Variants in CTDP1 observed in about 807,000 individuals in gnomAD.
CTDP1 encodes the protein CTD phosphatase 1.
In CTDP1, 47 loss-of-function variants were observed where a neutral mutation model predicts 91.8. That is an observed-to-expected ratio of 0.51 (90% confidence interval 0.41 to 0.65). The LOEUF (loss-of-function observed/expected upper bound fraction) is 0.65, where lower values mean the gene tolerates loss of function less well. Ranked by LOEUF, CTDP1 falls within the 30% of genes least tolerant of loss-of-function variation. The pLI, the probability that CTDP1 is intolerant of heterozygous loss-of-function variation, is 0.00. For synonymous variants in CTDP1, 656 were observed against 598.5 expected, an observed-to-expected ratio of 1.10 and a Z score of -1.40; for missense variants, 1,272 against 1,373.7, an observed-to-expected ratio of 0.93 and a Z score of 1.17.
At chr18:79,679,492 A>G (rs1054713601), upstream of CTDP1, 14 of 456,676 alleles carry the variant, frequency 3.1e-5, no homozygotes, top group African/African-American at 2.8e-4. Context: ...AATGGCACGC[A>G]GGCCTGCGTT....
chr18:79,679,854 A>G lies in CTDP1; in HGVS notation c.-94A>G, dbSNP rs1212196376. On this transcript the variant is annotated 5_prime_UTR_variant, in exon 1 of 13. Coordinates refer to ENST00000613122, the MANE Select transcript of CTDP1 (RefSeq NM_004715.5). ...GGAAGCCGGTACCGAGAGGAACTACAGCGTCGCCGCCTGGGTTGTGTCGCC... is the reference window on the plus strand; with the variant it reads ...GGAAGCCGGTACCGAGAGGAACTACGGCGTCGCCGCCTGGGTTGTGTCGCC... 2 of 1,183,734 alleles carry G rather than the reference A, an allele frequency of 1.7e-6. No homozygotes were observed. Among genetic ancestry groups the G allele is most frequent in the Non-Finnish European group, 2.2e-6 (2 of 901,766 alleles). 73.3% of individuals were successfully genotyped at this position (1,183,734 alleles called of 1,614,324 possible).
chr18:79,690,920 G>C (rs150033340), intron 1 of CTDP1, among the ~76,000 whole-genome samples: 52 of 152,348 alleles, frequency 3.4e-4, no homozygotes, highest in African/African-American at 1.2e-3. Flanking sequence ...TTTCTACGAA[G>C]GCCTGTGTTT....
At chr18:79,725,869 C>T (rs1269220512) in intron 10 of CTDP1, among the ~76,000 whole-genome samples, 1 of 152,176 alleles carries the variant, frequency 6.6e-6, no homozygotes, top group Non-Finnish European at 1.5e-5. Flanking sequence ...CTCCGTGGTT[C>T]TGATGAGTGA....
chr18:79,700,624 A>G (rs2085838548), intron 4 of CTDP1, among the ~76,000 whole-genome samples: 3 of 152,250 alleles, frequency 2.0e-5, no homozygotes, highest in Admixed American at 6.5e-5. Flanking sequence ...CCGTAACACA[A>G]AAGTGAAGGT....
chr18:79,738,319 C>T (rs1428963803), intron 12 of CTDP1, among the ~76,000 whole-genome samples: 4 of 152,220 alleles, frequency 2.6e-5, no homozygotes, highest in African/African-American at 7.2e-5. Context: ...CAGGTCCTGC[C>T]GACATCCTCA....
intron 12 of CTDP1, among the ~76,000 whole-genome samples, chr18:79,744,467 G>A (rs2086839445): frequency 6.6e-6 from 1 of 152,248 alleles, no homozygotes; most frequent in African/African-American, 2.4e-5. Flanking sequence ...AAACAAAGCA[G>A]AGTGGCGGTG....
Position 79,680,013 on chromosome 18 carries a change from G to A in CTDP1, c.66G>A (p.Val22=). ...CCCCGACGGCGGCTGTGGCCGAGGTGCGCTGCCCGGGGCCCGCGCCGCTGC... is the reference window on the plus strand; with the variant it reads ...CCCCGACGGCGGCTGTGGCCGAGGTACGCTGCCCGGGGCCCGCGCCGCTGC... ...EGAPTAAVAE[V]RCPGPAPLRL... is the part of the protein sequence containing the mutation. Residue 22 remains valine, a synonymous_variant, in exon 1 of 13, where the codon GTG becomes GTA. Coordinates refer to ENST00000613122, the MANE Select transcript of CTDP1 (RefSeq NM_004715.5). 1 of 1,293,052 alleles carries A rather than the reference G, an allele frequency of 7.7e-7. No homozygotes were observed. The highest frequency in any genetic ancestry group is 9.8e-7 in the Non-Finnish European group (1 of 1,023,126). The allele number at this position is 1,293,052 out of a possible 1,614,324, so 80.1% of individuals were successfully genotyped here.
intron 11 of CTDP1, among the ~76,000 whole-genome samples, chr18:79,730,393 G>C (rs968770602): frequency 1.2e-4 from 18 of 152,272 alleles, no homozygotes; most frequent in African/African-American, 4.1e-4. Context: ...TGGTTTCCTG[G>C]TCGGGCGTGG....
At chr18:79,724,870 C>T (rs1022799926) in intron 10 of CTDP1, among the ~76,000 whole-genome samples, 2 of 152,144 alleles carry the variant, frequency 1.3e-5, no homozygotes, top group African/African-American at 2.4e-5. Context: ...GCATTGTCGC[C>T]GGCGCCGTCC....
chr18:79,713,748 T>C lies in CTDP1; in HGVS notation c.1030+610T>C, dbSNP rs1214305546. ...AAACTAGGGGCATTCCTGTAGAAGG[T>C]AGAGACTTTCACCAGATGGGTGGGG... On this transcript the variant is annotated intron_variant, in intron 7 of 12. Transcript: ENST00000613122. The surrounding 1 kb of genome is among the most constrained non-coding windows in gnomAD (Gnocchi z 4.7). Among the ~76,000 whole-genome samples the C allele has an allele frequency of 5.3e-5, 8 of 152,190 alleles. No homozygotes were observed. Among genetic ancestry groups the C allele is most frequent in the African/African-American group, 1.7e-4 (7 of 41,442 alleles).
At chr18:79,750,587 G>A (rs530367364) in intron 12 of CTDP1, among the ~76,000 whole-genome samples, 4 of 150,976 alleles carry the variant, frequency 2.6e-5, no homozygotes, top group Non-Finnish European at 4.4e-5. Flanking sequence ...TCCGCCTCCC[G>A]GGTTCAAACA....
intron 1 of CTDP1, chr18:79,681,359 G>C (rs1257637160): frequency 2.8e-6 from 2 of 717,028 alleles, no homozygotes; most frequent in East Asian, 1.3e-4. Context: ...ATGCCTTCAC[G>C]GCTTCCTCAG....
chr18:79,723,774 A>T (rs2086392496), intron 10 of CTDP1, among the ~76,000 whole-genome samples: 1 of 152,138 alleles, frequency 6.6e-6, no homozygotes, highest in Non-Finnish European at 1.5e-5. Context: ...TCATGGCCTC[A>T]GCCGCTTCCC....
chr18:79,733,439 G>T (rs2086604968), intron 11 of CTDP1, among the ~76,000 whole-genome samples: 1 of 152,188 alleles, frequency 6.6e-6, no homozygotes, highest in Admixed American at 6.5e-5. Flanking sequence ...GATCACTGAG[G>T]GTTGAGGTGG....
chr18:79,741,452 G>A (rs1424269316), intron 12 of CTDP1, among the ~76,000 whole-genome samples: 3 of 152,244 alleles, frequency 2.0e-5, no homozygotes, highest in African/African-American at 7.2e-5. Context: ...CATGGTGGGA[G>A]CTGTTATGTT....
chr18:79,714,098 G>T lies in CTDP1; in HGVS notation c.1031-393G>T, dbSNP rs188684628. Among the ~76,000 whole-genome samples, 31 of 152,112 alleles carry T rather than the reference G, an allele frequency of 2.0e-4. 1 individual carries two copies. In the East Asian group the frequency reaches 3.5e-3, roughly 17 times the overall value. ...TGCAGGGGCTTACGGTCACGGTGGC[G>T]CCAGGTCTGCAGCCCGGAAACCTCT... On this transcript the variant is annotated intron_variant, in intron 7 of 12. Transcript: ENST00000613122.
intron 8 of CTDP1, among the ~76,000 whole-genome samples, chr18:79,716,740 C>T (rs562939422): frequency 3.3e-5 from 5 of 152,402 alleles, no homozygotes; most frequent in Non-Finnish European, 5.9e-5. Flanking sequence ...TGGCCCTTCT[C>T]TCGCATTCCT....
In CTDP1 at chr18:79,715,319, C is replaced by T. The variant is rs1054604568; in HGVS notation, c.1859C>T (p.Pro620Leu). 2 of 1,609,196 alleles carry T rather than the reference C, an allele frequency of 1.2e-6. No homozygotes were observed. Among genetic ancestry groups the T allele is most frequent in the Non-Finnish European group, 1.7e-6 (2 of 1,177,636 alleles). ...CTCAACAAGGAGATCGAGGAGGCGC[C>T]GGACATCCGCAAGATCGTGCCGGAG... Reference protein sequence around the residue: ...RYLNKEIEEAPDIRKIVPELK... With the variant: ...RYLNKEIEEALDIRKIVPELK... The change falls in exon 8 of 13, where the codon CCG becomes CTG. Residue 620 changes from proline (P) to leucine (L), a missense_variant. Around this residue, in one of 3 missense-constraint regions of CTDP1, gnomAD observed 881 missense variants for 911.6 expected, o/e 0.97. Transcript: ENST00000613122.
At position 79,704,800 on chromosome 18, in the gene CTDP1, C is replaced by T; in HGVS notation, c.655C>T (p.Pro219Ser). The change falls in exon 5 of 13, where the codon CCC becomes TCC. Residue 219 changes from proline (P) to serine (S), a missense_variant. Pro to Ser is a moderately conservative substitution (Grantham distance 74). Coordinates refer to ENST00000613122, the MANE Select transcript of CTDP1 (RefSeq NM_004715.5). ...TCACTTCCAGCTGGGCCGGGGTGAGCCCATGCTGCACACGCGCCTGCGTCC... is the reference window on the plus strand; with the variant it reads ...TCACTTCCAGCTGGGCCGGGGTGAGTCCATGCTGCACACGCGCCTGCGTCC... ...IFHFQLGRGE[P>S]MLHTRLRPHC... is the part of the protein sequence containing the mutation. The T allele has an allele frequency of 6.2e-7, 1 of 1,613,946 alleles. No homozygotes were observed. Among genetic ancestry groups the T allele is most frequent in the Non-Finnish European group, 8.5e-7 (1 of 1,180,032 alleles).
Sources: gnomAD v4.1 joint callset for allele counts (sites outside exome capture counted in the v4.1 genomes callset) on GRCh38, gnomAD v4.1.1 for gene constraint, gnomAD v4.1.1 regional missense constraint, Gnocchi (gnomAD v3.1) non-coding constraint, MANE v1.5 for transcripts, NCBI Gene and HGNC (gene_info 2026-07-23, HGNC 2026-07-21) for gene names.